Variants in SHISA9 observed in about 807,000 individuals in gnomAD.
SHISA9 encodes the protein protein shisa-9.
A neutral mutation model predicts 38.0 loss-of-function variants in SHISA9; 13 were observed. The ratio of observed to expected loss-of-function variants is 0.34; its 90% CI spans 0.22 to 0.54. SHISA9 has a LOEUF of 0.54. Among genes scored for constraint, SHISA9 ranks in the 20% least tolerant of loss-of-function variants. SHISA9 has a pLI of 0.91. For synonymous variants in SHISA9, 275 were observed against 242.0 expected, an observed-to-expected ratio of 1.14 and a Z score of -1.27; for missense variants, 538 against 575.8, an observed-to-expected ratio of 0.93 and a Z score of 0.67.
intron 2 of SHISA9, among the ~76,000 whole-genome samples, chr16:12,989,270 C>T (rs919418602): frequency 3.9e-5 from 6 of 151,950 alleles, no homozygotes; most frequent in Admixed American, 3.3e-4. Context: ...CTCTGCCTGC[C>T]GGGTTCAAGT....
chr16:13,091,363 G>C (rs780563122), intron 2 of SHISA9, among the ~76,000 whole-genome samples: 1 of 152,098 alleles, frequency 6.6e-6, no homozygotes, highest in Non-Finnish European at 1.5e-5. Flanking sequence ...TAGGTTGGGG[G>C]AGTTCTCCTG....
chr16:13,065,135 G>A lies in SHISA9; in HGVS notation c.692-138259G>A, dbSNP rs564505450. Among the ~76,000 whole-genome samples, 4 of 152,272 alleles carry A rather than the reference G, an allele frequency of 2.6e-5. No homozygotes were observed. In the South Asian group the frequency reaches 8.3e-4, roughly 32 times the overall value. ...CCAGACCATGGTCCTCACCTAACAA[G>A]GGTATCAGTTGTCTGCCTGGTATGT... On this transcript the variant is annotated intron_variant, in intron 2 of 4. Coordinates refer to ENST00000558583, the MANE Select transcript of SHISA9 (RefSeq NM_001145204.3).
chr16:12,989,645 C>T (rs776263955), intron 2 of SHISA9, among the ~76,000 whole-genome samples: 1 of 151,992 alleles, frequency 6.6e-6, no homozygotes, highest in Non-Finnish European at 1.5e-5. Context: ...TAATTTTGTT[C>T]TTTGCTTTTT....
chr16:13,033,895 T>G (rs1596600054), intron 2 of SHISA9, among the ~76,000 whole-genome samples: 1 of 152,182 alleles, frequency 6.6e-6, no homozygotes, highest in Non-Finnish European at 1.5e-5. Flanking sequence ...CCTGTAATTC[T>G]AGCACTTTGG....
At chr16:13,103,149 C>CAGT (rs754202033) in intron 2 of SHISA9, among the ~76,000 whole-genome samples, 21 of 152,190 alleles carry the variant, frequency 1.4e-4, no homozygotes, top group Non-Finnish European at 2.6e-4. Flanking sequence ...TTTAACTTGT[C>CAGT]AGTAGCAGAG....
chr16:13,089,398 C>A (rs1305369410), intron 2 of SHISA9, among the ~76,000 whole-genome samples: 1 of 152,212 alleles, frequency 6.6e-6, no homozygotes, highest in Non-Finnish European at 1.5e-5. Flanking sequence ...CTTTGTACCT[C>A]TGGTAGAATT....
At chr16:13,332,708 T>TA in the SHISA9 span, 8 of 151,606 alleles carry the variant, frequency 5.3e-5, no homozygotes, top group South Asian at 6.3e-4. Context: ...AACTGGGGAA[T>TA]AAAAAAAAAT....
At chr16:13,087,705 C>G (rs907567166) in intron 2 of SHISA9, among the ~76,000 whole-genome samples, 5 of 152,068 alleles carry the variant, frequency 3.3e-5, no homozygotes, top group South Asian at 4.2e-4. Context: ...TGTTTGAGTT[C>G]TTTGTAGATT....
intron 1 of SHISA9, chr16:12,911,327 G>T: frequency 1.0e-6 from 1 of 985,384 alleles, no homozygotes; most frequent in South Asian, 4.7e-5. Context: ...TGTGTGGCTT[G>T]GAGCACATAG....
At chr16:13,022,405 C>T (rs2072868383) in intron 2 of SHISA9, among the ~76,000 whole-genome samples, 1 of 151,990 alleles carries the variant, frequency 6.6e-6, no homozygotes. Context: ...GGTCTTGGCT[C>T]ACTGCAACCT....
At chr16:12,962,167 T>C (rs912243444) in intron 2 of SHISA9, among the ~76,000 whole-genome samples, 2 of 152,178 alleles carry the variant, frequency 1.3e-5, no homozygotes, top group African/African-American at 4.8e-5. Flanking sequence ...GTGCTGTCTG[T>C]TGTCATTTCA....
chr16:13,138,270 A>G (rs528654084), intron 2 of SHISA9, among the ~76,000 whole-genome samples: 1 of 152,298 alleles, frequency 6.6e-6, no homozygotes, highest in South Asian at 2.1e-4. Context: ...CATTTTAATA[A>G]AATGTGTGGG....
chr16:13,516,813 T>A, the SHISA9 span, among the ~76,000 whole-genome samples: 1 of 149,990 alleles, frequency 6.7e-6, no homozygotes, highest in African/African-American at 2.5e-5. Context: ...AAAAAAAAAT[T>A]ACAGGGAAGG....
chr16:13,198,299 TATATACTTGTGTGTATATGCATAC>T (rs1222855031), intron 2 of SHISA9, among the ~76,000 whole-genome samples: 3 of 150,554 alleles, frequency 2.0e-5, no homozygotes, highest in Non-Finnish European at 4.4e-5. Context: ...TATGCATACA[TATATACTTGTGTGTATATGCATAC>T]ATATATACTT....
At chr16:13,445,994 G>A in the SHISA9 span, among the ~76,000 whole-genome samples, 1 of 151,938 alleles carries the variant, frequency 6.6e-6, no homozygotes, top group Non-Finnish European at 1.5e-5. Context: ...CTAGGCCTGA[G>A]TACAGTGCTG....
chr16:13,002,533 CTTTT>C (rs35810010), intron 2 of SHISA9, among the ~76,000 whole-genome samples: 2 of 125,644 alleles, frequency 1.6e-5, no homozygotes, highest in African/African-American at 3.0e-5. Context: ...TGGTTCCTGT[CTTTT>C]TTTTTTTTTT....
At chr16:13,034,178 C>T (rs560296863) in intron 2 of SHISA9, among the ~76,000 whole-genome samples, 10 of 151,430 alleles carry the variant, frequency 6.6e-5, no homozygotes, top group Non-Finnish European at 1.2e-4. Context: ...CCATCTGAGA[C>T]GAGCATCTTT....
At chr16:13,180,577 CTT>C (rs1291306517) in intron 2 of SHISA9, among the ~76,000 whole-genome samples, 4 of 152,106 alleles carry the variant, frequency 2.6e-5, no homozygotes, top group Admixed American at 6.5e-5. Flanking sequence ...ATGCACCTGT[CTT>C]CTCAGCTACT....
intron 2 of SHISA9, among the ~76,000 whole-genome samples, chr16:13,097,372 G>A (rs1208825792): frequency 6.6e-6 from 1 of 151,892 alleles, no homozygotes; most frequent in Non-Finnish European, 1.5e-5. Flanking sequence ...TATGGGATGA[G>A]CCATCACGCG....
Sources: gnomAD v4.1 joint callset for allele counts (sites outside exome capture counted in the v4.1 genomes callset) on GRCh38, gnomAD v4.1.1 for gene constraint, MANE v1.5 for transcripts, NCBI Gene and HGNC (gene_info 2026-07-23, HGNC 2026-07-21) for gene names.